The following DNAJC15 variants were observed in gnomAD, a reference collection of about 807,000 sequenced individuals.
DNAJC15 encodes the protein dnaJ homolog subfamily C member 15.
In DNAJC15, 27 loss-of-function variants were observed where a neutral mutation model predicts 22.4. The observed-to-expected ratio is 1.20, with a 90% CI of 0.89 to 1.66. The LOEUF (loss-of-function observed/expected upper bound fraction) is 1.66, where lower values mean the gene tolerates loss of function less well. Ranked by LOEUF, DNAJC15 falls within the 40% of genes most tolerant of loss-of-function variation. The pLI is 0.00. For missense variants in DNAJC15, 208 were observed against 187.1 expected (o/e 1.11, Z -0.65); for synonymous variants, 79 against 63.2 (o/e 1.25, Z -1.19).
intron 4 of DNAJC15, among the ~76,000 whole-genome samples, chr13:43,080,221 ACCTCCTAC>A (rs2040655451): frequency 6.6e-6 from 1 of 151,684 alleles, no homozygotes; most frequent in Non-Finnish European, 1.5e-5. Flanking sequence ...CTCCTCTCTT[ACCTCCTAC>A]CCTCCACCCT....
chr13:43,086,671 CTTA>C, intron 5 of DNAJC15, among the ~76,000 whole-genome samples: 1 of 152,222 alleles, frequency 6.6e-6, no homozygotes. Context: ...GGTTTTTGCA[CTTA>C]TTATTCTTTA....
chr13:43,043,561 AAT>A (rs2040463558), intron 1 of DNAJC15, among the ~76,000 whole-genome samples: 1 of 152,254 alleles, frequency 6.6e-6, no homozygotes. Flanking sequence ...ATTCTTAAAA[AAT>A]CATTATCTAT....
At chr13:43,023,763 C>T in intron 1 of DNAJC15, 29 bp downstream of exon 1, 1 of 1,569,796 alleles carries the variant, frequency 6.4e-7, no homozygotes, top group Non-Finnish European at 8.7e-7. Flanking sequence ...CCCCACCCCT[C>T]TCTGGCTCCC....
In DNAJC15 at chr13:43,110,902, A is replaced by C. The variant is rs1392772570; in HGVS notation, c.*3654A>C. On this transcript the variant is annotated 3_prime_UTR_variant, in exon 6 of 6. Coordinates refer to ENST00000379221, the MANE Select transcript of DNAJC15 (RefSeq NM_013238.3). ...TTGAGTGGTTACCTGTCTTCAGTAAAGATTGCGCTTGCATATTTGCTGTCA... is the reference window on the plus strand; with the variant it reads ...TTGAGTGGTTACCTGTCTTCAGTAACGATTGCGCTTGCATATTTGCTGTCA... 1.3e-5 allele frequency: 2 copies of C among 152,346 alleles called. No homozygotes were observed. The highest frequency in any genetic ancestry group is 2.9e-5 in the Non-Finnish European group (2 of 68,026). The allele number at this position is 152,346 out of a possible 1,614,324, so 9.4% of individuals were successfully genotyped here. A position where few individuals can be genotyped will look rare whatever the true frequency, so the allele number is the denominator to read the frequency against.
intron 5 of DNAJC15, among the ~76,000 whole-genome samples, chr13:43,098,130 A>T (rs1420262803): frequency 6.6e-6 from 1 of 152,192 alleles, no homozygotes; most frequent in East Asian, 1.9e-4. Flanking sequence ...AAAATGTGGC[A>T]TGTATATGTG....
rs538787795 is a variant in DNAJC15 at position 43,099,992 on chromosome 13, A to C, written c.383-7186A>C. 1.3e-5 allele frequency among the ~76,000 whole-genome samples: 2 copies of C among 152,092 alleles called. 1 individual carries two copies. Among genetic ancestry groups the C allele is most frequent in the South Asian group, 4.1e-4 (2 of 4,830 alleles). The stretch of plus-strand genomic sequence containing the variant: ...GTTCTCTTTCTCTCTTCTATAAGCC[A>C]TCAGGGGCTGGGCTTTTCTTTGTGG... On this transcript the variant is annotated intron_variant, in intron 5 of 5. Transcript: ENST00000379221.
rs1319212762 is a variant in DNAJC15, at chr13:43,108,600, C to T, written c.*1352C>T. On this transcript the variant is annotated 3_prime_UTR_variant, in exon 6 of 6. Coordinates refer to ENST00000379221, the MANE Select transcript of DNAJC15 (RefSeq NM_013238.3). ...ATTCTGTAGTTTAGGAGTTCTCAAC[C>T]TTGGCATTATTGACATGTTAGGCCA... 1.6e-4 allele frequency: 24 copies of T among 152,120 alleles called. No homozygotes were observed. The highest frequency in any genetic ancestry group is 1.6e-3 in the Admixed American group (24 of 15,268). 9.4% of individuals were successfully genotyped at this position (152,120 alleles called of 1,614,324 possible).
At chr13:43,087,219 C>T (rs1433308981) in intron 5 of DNAJC15, among the ~76,000 whole-genome samples, 1 of 152,160 alleles carries the variant, frequency 6.6e-6, no homozygotes, top group Non-Finnish European at 1.5e-5. Context: ...ATATTGACAA[C>T]TGTGGACTTT....
At chr13:43,045,732 C>G (rs2040474324) in intron 1 of DNAJC15, among the ~76,000 whole-genome samples, 1 of 152,176 alleles carries the variant, frequency 6.6e-6, no homozygotes. Context: ...TTTCTTAAAA[C>G]AGGTACTGAG....
chr13:43,058,601 A>C (rs147092571), intron 1 of DNAJC15, among the ~76,000 whole-genome samples: 26 of 152,048 alleles, frequency 1.7e-4, no homozygotes, highest in African/African-American at 6.0e-4. Flanking sequence ...TTCTGTGTTC[A>C]TATCTGCACT....
chr13:43,051,000 G>T (rs1434276141), intron 1 of DNAJC15, among the ~76,000 whole-genome samples: 1 of 152,036 alleles, frequency 6.6e-6, no homozygotes, highest in Non-Finnish European at 1.5e-5. Context: ...TTGAGACTAA[G>T]TCTCACTGTT....
At chr13:43,040,480 T>C (rs1161620282) in intron 1 of DNAJC15, among the ~76,000 whole-genome samples, 1 of 152,202 alleles carries the variant, frequency 6.6e-6, no homozygotes, top group African/African-American at 2.4e-5. Context: ...ATTTTACAAG[T>C]TGTCTGGTCT....
chr13:43,040,391 C>A (rs1331937598), intron 1 of DNAJC15, among the ~76,000 whole-genome samples: 7 of 152,136 alleles, frequency 4.6e-5, no homozygotes, highest in Non-Finnish European at 1.0e-4. Flanking sequence ...ACCTGTTTAT[C>A]TGTGGGGGTA....
At chr13:43,101,247 C>G (rs537602386) in intron 5 of DNAJC15, among the ~76,000 whole-genome samples, 1 of 152,172 alleles carries the variant, frequency 6.6e-6, no homozygotes, top group Non-Finnish European at 1.5e-5. Flanking sequence ...AGGCTAGCCT[C>G]AAACTCCTGG....
At chr13:43,057,785 G>A (rs1019303359) in intron 1 of DNAJC15, among the ~76,000 whole-genome samples, 1 of 152,176 alleles carries the variant, frequency 6.6e-6, no homozygotes, top group Non-Finnish European at 1.5e-5. Flanking sequence ...TTTGTCCCAT[G>A]GGGTGATCCT....
rs1355485952 is a variant in DNAJC15 at position 43,108,869 on chromosome 13, C to A, written c.*1621C>A. Reference sequence around the variant, plus strand: ...TGATCCTGAATTAAATTGATGGAACCTTGAAGTCGATAAAATATATTTCTT... The same window carrying A: ...TGATCCTGAATTAAATTGATGGAACATTGAAGTCGATAAAATATATTTCTT... On this transcript the variant is annotated 3_prime_UTR_variant, in exon 6 of 6. Transcript: ENST00000379221. 1 of 152,102 alleles carries A rather than the reference C, an allele frequency of 6.6e-6. No individual in the cohort carries two copies. Among genetic ancestry groups the A allele is most frequent in the Non-Finnish European group, 1.5e-5 (1 of 68,038 alleles). 9.4% of individuals were successfully genotyped at this position (152,102 alleles called of 1,614,324 possible). A position where few individuals can be genotyped will look rare whatever the true frequency, so the allele number is the denominator to read the frequency against.
chr13:43,046,022 C>G (rs2040475600), intron 1 of DNAJC15, among the ~76,000 whole-genome samples: 1 of 152,120 alleles, frequency 6.6e-6, no homozygotes, highest in Non-Finnish European at 1.5e-5. Context: ...ATGAACCAGT[C>G]AGAGATGGGA....
At chr13:43,078,409 GA>G (rs1012766142) in intron 3 of DNAJC15, among the ~76,000 whole-genome samples, 2 of 152,094 alleles carry the variant, frequency 1.3e-5, no homozygotes, top group East Asian at 3.9e-4. Flanking sequence ...GTTTTAAAGT[GA>G]AAAAAAGTTA....
intron 1 of DNAJC15, among the ~76,000 whole-genome samples, chr13:43,065,284 T>C (rs2040578332): frequency 6.6e-6 from 1 of 152,186 alleles, no homozygotes; most frequent in African/African-American, 2.4e-5. Flanking sequence ...TTTCATGAAA[T>C]TTTTAAGTAT....
Sources: allele counts gnomAD v4.1 joint callset (sites outside exome capture counted in the v4.1 genomes callset), GRCh38; gene constraint gnomAD v4.1.1; transcripts MANE v1.5; gene names NCBI Gene and HGNC (gene_info 2026-07-23, HGNC 2026-07-21).